The following WWOX variants were observed in gnomAD, a reference collection of about 807,000 sequenced individuals.
The protein encoded by WWOX is WW domain containing oxidoreductase.
Under a neutral mutation model 46.2 loss-of-function variants are expected in WWOX, and 69 were observed. The ratio of observed to expected loss-of-function variants is 1.49; its 90% CI spans 1.23 to 1.82. The LOEUF (loss-of-function observed/expected upper bound fraction) is 1.82. Ranked by LOEUF, WWOX falls within the 40% of genes most tolerant of loss-of-function variation. The pLI is 0.00. For synonymous variants in WWOX, 359 were observed against 202.6 expected, an observed-to-expected ratio of 1.77 and a Z score of -6.56; for missense variants, 919 against 542.6, an observed-to-expected ratio of 1.69 and a Z score of -6.89.
chr16:78,336,814 C>T (rs7201132), intron 5 of WWOX, among the ~76,000 whole-genome samples: 2 of 151,994 alleles, frequency 1.3e-5, no homozygotes, highest in East Asian at 1.9e-4. Context: ...GTTTTCGAGA[C>T]GAAGTTTCGC....
chr16:78,596,460 G>A (rs547048703), intron 8 of WWOX, among the ~76,000 whole-genome samples: 1 of 152,084 alleles, frequency 6.6e-6, no homozygotes, highest in African/African-American at 2.4e-5. Context: ...GGAATAGCCA[G>A]TCCTGCCCCA....
chr16:78,918,263 A>T (rs75775102), intron 8 of WWOX, among the ~76,000 whole-genome samples: 18 of 152,124 alleles, frequency 1.2e-4, no homozygotes, highest in Admixed American at 1.2e-3. Flanking sequence ...AAAATAAAAC[A>T]TAAGAAAAAA....
intron 8 of WWOX, among the ~76,000 whole-genome samples, chr16:78,580,551 T>C (rs936143240): frequency 5.3e-5 from 8 of 152,208 alleles, no homozygotes; most frequent in African/African-American, 1.7e-4. Context: ...ATGCAAGGCC[T>C]GAACAAAAGA....
chr16:78,878,954 C>G (rs888488638), intron 8 of WWOX, among the ~76,000 whole-genome samples: 119 of 146,058 alleles, frequency 8.1e-4, no homozygotes, highest in African/African-American at 2.9e-3. Flanking sequence ...ATAGTCTTAG[C>G]TATTCAGGAG....
intron 8 of WWOX, among the ~76,000 whole-genome samples, chr16:78,649,702 A>G (rs971060176): frequency 6.6e-6 from 1 of 151,988 alleles, no homozygotes. Flanking sequence ...ATTATTTGTT[A>G]CTGTTGTTAT....
chr16:78,242,943 G>T (rs2037704216), intron 5 of WWOX, among the ~76,000 whole-genome samples: 1 of 152,086 alleles, frequency 6.6e-6, no homozygotes, highest in Admixed American at 6.5e-5. Flanking sequence ...GGGAGGTGGA[G>T]GTTGCAGTGA....
At chr16:78,458,928 A>T (rs2738644) in intron 8 of WWOX, among the ~76,000 whole-genome samples, 36,196 of 152,048 alleles carry the variant, frequency 0.24, 4,703 homozygotes, top group African/African-American at 0.34. Flanking sequence ...AACAATATTC[A>T]TTCTCTGTGT....
intron 8 of WWOX, among the ~76,000 whole-genome samples, chr16:78,819,494 TCCA>T (rs1177769019): frequency 1.3e-5 from 2 of 152,316 alleles, no homozygotes; most frequent in Middle Eastern, 3.4e-3. Context: ...TTCTGCATAA[TCCA>T]CCACTTAATT....
At chr16:78,697,905 G>T (rs189892727) in intron 8 of WWOX, among the ~76,000 whole-genome samples, 1,532 of 152,268 alleles carry the variant, frequency 0.01, 26 homozygotes, top group African/African-American at 0.034. Context: ...AAGAGGTTTA[G>T]TAATGTGCTT....
At position 78,378,415 on chromosome 16, in the gene WWOX, C is replaced by G. The variant is rs556538926; in HGVS notation, c.517-8445C>G. On this transcript the variant is annotated intron_variant, in intron 5 of 8. Transcript: ENST00000566780. ...GTTTGACTAAGAGAGAAAAGAATCA[C>G]TAGTCAATGAAAGCAACTGTGTCCC... 3.3e-5 allele frequency among the ~76,000 whole-genome samples: 5 copies of G among 152,248 alleles called. No individual in the cohort carries two copies. In the East Asian group the frequency reaches 9.7e-4, roughly 29 times the overall value.
At chr16:79,115,293 A>G (rs1462031716) in intron 8 of WWOX, among the ~76,000 whole-genome samples, 2 of 152,236 alleles carry the variant, frequency 1.3e-5, no homozygotes, top group Non-Finnish European at 2.9e-5. Context: ...CATATGTGAA[A>G]AAGAAACTTT....
intron 8 of WWOX, among the ~76,000 whole-genome samples, chr16:79,146,528 C>T (rs1278918548): frequency 6.6e-6 from 1 of 152,130 alleles, no homozygotes; most frequent in Non-Finnish European, 1.5e-5. Context: ...ACAGTTTGCG[C>T]AAGTCATTTA....
chr16:79,067,917 A>G (rs2048472522), intron 8 of WWOX, among the ~76,000 whole-genome samples: 1 of 152,200 alleles, frequency 6.6e-6, no homozygotes, highest in African/African-American at 2.4e-5. Context: ...TCTCCTGGGA[A>G]TGCCTGTGAT....
In WWOX at chr16:78,659,599, A is replaced by G. The variant is rs2548845; in HGVS notation, c.1056+226847A>G. On this transcript the variant is annotated intron_variant, in intron 8 of 8. Transcript: ENST00000566780. ...CAATTATCAAATGTTTCCAAAGTGC[A>G]CTTGCTTTGCAAAGCACTGTACTAC... Among the ~76,000 whole-genome samples, 1,345 of 152,288 alleles carry G rather than the reference A, an allele frequency of 8.8e-3. 20 individuals are homozygous for G. The highest frequency in any genetic ancestry group is 0.015 in the Non-Finnish European group (1,003 of 68,022).
At chr16:78,580,378 A>G (rs1435499934) in intron 8 of WWOX, among the ~76,000 whole-genome samples, 2 of 152,172 alleles carry the variant, frequency 1.3e-5, no homozygotes, top group Admixed American at 1.3e-4. Flanking sequence ...CTGGCCTCCA[A>G]CAGAGGATTT....
intron 5 of WWOX, among the ~76,000 whole-genome samples, chr16:78,386,129 T>G (rs1284881652): frequency 3.9e-5 from 6 of 152,210 alleles, no homozygotes; most frequent in Non-Finnish European, 8.8e-5. Flanking sequence ...CCTATCTCTG[T>G]GATCTCTTGT....
intron 8 of WWOX, among the ~76,000 whole-genome samples, chr16:78,504,470 C>T (rs1260024958): frequency 6.6e-6 from 1 of 152,180 alleles, no homozygotes; most frequent in Non-Finnish European, 1.5e-5. Flanking sequence ...ACAAATTGTC[C>T]AGGGTTTCCA....
chr16:78,285,884 G>C (rs1341491750), intron 5 of WWOX, among the ~76,000 whole-genome samples: 1 of 152,132 alleles, frequency 6.6e-6, no homozygotes, highest in Non-Finnish European at 1.5e-5. Flanking sequence ...TCCCAGGATA[G>C]TATCTTGTAA....
At chr16:78,674,360 C>G (rs954442431) in intron 8 of WWOX, among the ~76,000 whole-genome samples, 2 of 151,378 alleles carry the variant, frequency 1.3e-5, no homozygotes, top group East Asian at 1.9e-4. Context: ...TCTTGGCTCA[C>G]TGCAACCTCT....
Sources: allele counts gnomAD v4.1 joint callset (sites outside exome capture counted in the v4.1 genomes callset), GRCh38; gene constraint gnomAD v4.1.1; transcripts MANE v1.5; gene names NCBI Gene and HGNC (gene_info 2026-07-23, HGNC 2026-07-21).